Variants in EML6 observed in about 807,000 individuals in gnomAD.
EML6 encodes the protein EMAP like 6.
In EML6, 154 loss-of-function variants were observed where a neutral mutation model predicts 240.1. The ratio of observed to expected loss-of-function variants is 0.64; its 90% CI spans 0.56 to 0.73. EML6 has a LOEUF of 0.73. EML6 is among the 30% of genes least tolerant of loss of function. The pLI is 0.00. For missense variants in EML6, 2,964 were observed against 2,474.6 expected (o/e 1.20, Z -4.20); for synonymous variants, 1,148 against 899.0 (o/e 1.28, Z -4.95).
At position 54,962,624 on chromosome 2, in the gene EML6, C is replaced by G. The variant is rs746472293; in HGVS notation, c.5070C>G (p.Ile1690Met). The change falls in exon 36 of 42, where the codon ATC (isoleucine) becomes ATG (methionine). Residue 1690 changes from isoleucine to methionine, a missense_variant. Transcript: ENST00000356458. Reference sequence around the variant, plus strand: ...TTGATGGTCACATGGAAGGGGAGATCTGGGGCCTGGCCACTCACCCTTCCA... The same window carrying G: ...TTGATGGTCACATGGAAGGGGAGATGTGGGGCCTGGCCACTCACCCTTCCA... Reference protein sequence around the residue: ...ILIDGHMEGEIWGLATHPSKD... With the variant: ...ILIDGHMEGEMWGLATHPSKD... 10 of 1,546,228 alleles carry G rather than the reference C, an allele frequency of 6.5e-6. No homozygotes were observed. Among genetic ancestry groups the G allele is most frequent in the Non-Finnish European group, 7.9e-6 (9 of 1,144,622 alleles).
At chr2:54,905,488 T>G (rs1045509568) in intron 24 of EML6, among the ~76,000 whole-genome samples, 1 of 152,090 alleles carries the variant, frequency 6.6e-6, no homozygotes, top group Non-Finnish European at 1.5e-5. Flanking sequence ...AGGGTATATA[T>G]AGAGTAAATT....
At position 54,855,636 on chromosome 2, in the gene EML6, G is replaced by T. The variant is rs117339542; in HGVS notation, c.1657+1781G>T. Among the ~76,000 whole-genome samples, 6 of 152,220 alleles carry T rather than the reference G, an allele frequency of 3.9e-5. No individual in the cohort carries two copies. In the East Asian group the frequency reaches 1.2e-3, roughly 29 times the overall value. Reference sequence around the variant, plus strand: ...GGCATCTGCATGAATGAGGAGAGATGGACAGCCAGATGACAGTATGGTGAG... The same window carrying T: ...GGCATCTGCATGAATGAGGAGAGATTGACAGCCAGATGACAGTATGGTGAG... On this transcript the variant is annotated intron_variant, in intron 11 of 41. Transcript: ENST00000356458.
chr2:54,758,092 T>A (rs1667818656), intron 2 of EML6, among the ~76,000 whole-genome samples: 1 of 152,180 alleles, frequency 6.6e-6, no homozygotes, highest in African/African-American at 2.4e-5. Context: ...TTATTTGACT[T>A]TCACTTTTCT....
chr2:54,892,366 A>G, intron 18 of EML6, 88 bp from the exon 19 acceptor site: 6 of 780,482 alleles, frequency 7.7e-6, no homozygotes, highest in South Asian at 7.0e-5. Flanking sequence ...AATGAGAGAC[A>G]CCAGGTTTCT....
At chr2:54,926,742 T>A (rs1674567754) in intron 26 of EML6, among the ~76,000 whole-genome samples, 2 of 152,214 alleles carry the variant, frequency 1.3e-5, no homozygotes, top group South Asian at 4.1e-4. Context: ...AATCTCTGCC[T>A]TGTTATATCT....
At chr2:54,789,280 A>G (rs551742787) in intron 2 of EML6, among the ~76,000 whole-genome samples, 118 of 151,900 alleles carry the variant, frequency 7.8e-4, no homozygotes, top group East Asian at 1.7e-3. Context: ...TTGGGAGGCC[A>G]AGGCGGGCGG....
intron 2 of EML6, among the ~76,000 whole-genome samples, chr2:54,741,147 A>G (rs1306065896): frequency 4.6e-5 from 7 of 151,904 alleles, no homozygotes; most frequent in Admixed American, 3.3e-4. Context: ...CCTCATTCTT[A>G]TTGTCCAGAG....
intron 38 of EML6, among the ~76,000 whole-genome samples, chr2:54,965,650 GT>G (rs1676716201): frequency 6.6e-6 from 1 of 152,140 alleles, no homozygotes; most frequent in Non-Finnish European, 1.5e-5. Flanking sequence ...AGTTGAAGCT[GT>G]CTTCCTGCAC....
chr2:54,925,854 A>G lies in EML6; in HGVS notation c.3676-2459A>G, dbSNP rs566647564. The stretch of plus-strand genomic sequence containing the variant: ...CCTTCCGAACCTAGACCCTTTTGCT[A>G]AATGGAGAGGCTAAAATACCACTGT... On this transcript the variant is annotated intron_variant, in intron 26 of 41. Coordinates refer to ENST00000356458, the MANE Select transcript of EML6 (RefSeq NM_001039753.4). 9.7e-4 allele frequency among the ~76,000 whole-genome samples: 147 copies of G among 152,324 alleles called. 1 individual carries two copies. In the Middle Eastern group the frequency reaches 0.014, roughly 14 times the overall value.
At chr2:54,779,014 A>G (rs1668727483) in intron 2 of EML6, among the ~76,000 whole-genome samples, 1 of 152,204 alleles carries the variant, frequency 6.6e-6, no homozygotes, top group African/African-American at 2.4e-5. Flanking sequence ...AACACTTTAC[A>G]CTTTCACCTG....
intron 26 of EML6, among the ~76,000 whole-genome samples, chr2:54,919,677 C>T (rs895761545): frequency 3.9e-5 from 6 of 152,172 alleles, no homozygotes; most frequent in South Asian, 2.1e-4. Context: ...GTTAGTGATA[C>T]CCTGGTTTTA....
At chr2:54,832,360 A>G (rs995418976) in intron 7 of EML6, among the ~76,000 whole-genome samples, 1 of 152,164 alleles carries the variant, frequency 6.6e-6, no homozygotes, top group Admixed American at 6.5e-5. Context: ...GAGGATGTTG[A>G]GTTCCAGAGC....
intron 28 of EML6, among the ~76,000 whole-genome samples, chr2:54,941,788 C>G (rs114445231): frequency 0.018 from 2,744 of 152,362 alleles, 80 homozygotes; most frequent in African/African-American, 0.06. Flanking sequence ...GCGAGGAGCA[C>G]TCCTGCTCCA....
chr2:54,895,110 C>T (rs750178543), intron 20 of EML6, 84 bp downstream of exon 20: 8 of 1,328,512 alleles, frequency 6.0e-6, no homozygotes, highest in Middle Eastern at 1.8e-4. Context: ...AAACTATTAG[C>T]AAATCAATTT....
chr2:54,735,687 TG>T (rs2103619841), intron 2 of EML6, among the ~76,000 whole-genome samples: 1 of 152,380 alleles, frequency 6.6e-6, no homozygotes, highest in African/African-American at 2.4e-5. Flanking sequence ...TTTGAATGTT[TG>T]TGCTTAAGGT....
chr2:54,871,660 G>A, intron 16 of EML6, 55 bp downstream of exon 16: 1 of 1,271,722 alleles, frequency 7.9e-7, no homozygotes, highest in Non-Finnish European at 1.1e-6. Flanking sequence ...GAGAGACACA[G>A]AGAGAGTATG....
intron 7 of EML6, among the ~76,000 whole-genome samples, chr2:54,830,388 A>G (rs1668809646): frequency 6.6e-6 from 1 of 152,118 alleles, no homozygotes; most frequent in Admixed American, 6.5e-5. Context: ...ACAGGATGAA[A>G]ACTTACCCAT....
intron 2 of EML6, among the ~76,000 whole-genome samples, chr2:54,742,900 C>G (rs1001295160): frequency 5.3e-5 from 8 of 152,212 alleles, no homozygotes; most frequent in Non-Finnish European, 4.4e-5. Context: ...GAAACTGTGA[C>G]TTTAAACAAA....
intron 41 of EML6, among the ~76,000 whole-genome samples, chr2:54,969,544 C>A (rs1202275361): frequency 2.6e-5 from 4 of 152,214 alleles, no homozygotes; most frequent in African/African-American, 9.7e-5. Context: ...TGCTAACACC[C>A]CTTCAAAGCA....
Sources: gnomAD v4.1 joint callset for allele counts (sites outside exome capture counted in the v4.1 genomes callset) on GRCh38, gnomAD v4.1.1 for gene constraint, MANE v1.5 for transcripts, NCBI Gene and HGNC (gene_info 2026-07-23, HGNC 2026-07-21) for gene names.